MFSD8: variants seen among roughly 807,000 people sequenced by gnomAD.
The protein encoded by MFSD8 is major facilitator superfamily domain containing 8.
A neutral mutation model predicts 66.4 loss-of-function variants in MFSD8; 55 were observed. The observed-to-expected ratio is 0.83, with a 90% confidence interval of 0.67 to 1.04. The LOEUF is 1.04. Among genes scored for constraint, MFSD8 ranks in the 50% least tolerant of loss-of-function variants. The pLI is 0.00. For missense variants in MFSD8, 550 were observed against 627.6 expected, an observed-to-expected ratio of 0.88 and a Z score of 1.32; for synonymous variants, 202 against 212.8, an observed-to-expected ratio of 0.95 and a Z score of 0.44.
At chr4:127,961,128 CTTGT>C (rs1743667030) in intron 1 of MFSD8, among the ~76,000 whole-genome samples, 1 of 152,078 alleles carries the variant, frequency 6.6e-6, no homozygotes, top group South Asian at 2.1e-4. Flanking sequence ...AATAATCAAC[CTTGT>C]TAGTGAGGAA....
intron 9 of MFSD8, among the ~76,000 whole-genome samples, chr4:127,922,727 C>G (rs1195650187): frequency 6.6e-6 from 1 of 152,042 alleles, no homozygotes; most frequent in Non-Finnish European, 1.5e-5. Context: ...AGAAAATAAT[C>G]AAGCCTTTAT....
intron 9 of MFSD8, among the ~76,000 whole-genome samples, chr4:127,929,322 CAAAAAAAA>C (rs543453360): frequency 0.016 from 499 of 30,330 alleles, 1 homozygote; most frequent in African/African-American, 0.084. Context: ...GACTCCGTCA[CAAAAAAAA>C]AAAAAAAAAA....
intron 11 of MFSD8, chr4:127,921,242 A>T: frequency 1.7e-6 from 1 of 602,088 alleles, no homozygotes; most frequent in Non-Finnish European, 2.9e-6. Flanking sequence ...AGTTTAAGTA[A>T]CTTGTTCAAG....
intron 2 of MFSD8, among the ~76,000 whole-genome samples, chr4:127,952,052 T>C (rs1217964801): frequency 6.6e-6 from 1 of 151,934 alleles, no homozygotes; most frequent in Non-Finnish European, 1.5e-5. Context: ...TCAAGATTCA[T>C]CCATGGTGTA....
chr4:127,938,566 G>C (rs1315418455), intron 7 of MFSD8, among the ~76,000 whole-genome samples: 3 of 145,728 alleles, frequency 2.1e-5, no homozygotes, highest in East Asian at 4.1e-4. Context: ...CTGGGCGACA[G>C]AGCGAAACTC....
At chr4:127,925,910 TA>T (rs1737124537) in intron 9 of MFSD8, among the ~76,000 whole-genome samples, 1 of 151,978 alleles carries the variant, frequency 6.6e-6, no homozygotes, top group Admixed American at 6.6e-5. Flanking sequence ...TATGCAGCCA[TA>T]AAAAAGGATG....
chr4:127,957,551 C>T lies in MFSD8; in HGVS notation c.104G>A (p.Arg35Gln), dbSNP rs146596875. 2.5e-6 allele frequency: 4 copies of T among 1,611,904 alleles called. No individual in the cohort carries two copies. The highest frequency in any genetic ancestry group is 2.2e-5 in the South Asian group (2 of 90,916). ...ATATAAAATCCTAATAGATCTCCAT[C>T]GGCTCTTATAATGCTCTTCAGTCTC... Reference protein sequence around the residue: ...ILETEEHYKSRWRSIRILYLT... With the variant: ...ILETEEHYKSQWRSIRILYLT... Residue 35 changes from arginine (R) to glutamine (Q), a missense_variant, in exon 2 of 12, where the codon CGA (arginine) becomes CAA (glutamine). Arg to Gln is a conservative substitution (Grantham distance 43). Transcript: ENST00000641686.
chr4:127,937,791 T>C (rs1477152172), intron 7 of MFSD8, among the ~76,000 whole-genome samples: 14 of 152,234 alleles, frequency 9.2e-5, no homozygotes, highest in Admixed American at 9.2e-4. Context: ...CTCACCACTC[T>C]GCTCTACTAC....
At position 127,919,731 on chromosome 4, in the gene MFSD8, G is replaced by C. The variant is rs1022497990; in HGVS notation, c.*899C>G. 6.6e-6 allele frequency: 1 copy of C among 152,054 alleles called. No individual in the cohort carries two copies. Among genetic ancestry groups the C allele is most frequent in the African/African-American group, 2.4e-5 (1 of 41,410 alleles). The allele number at this position is 152,054 out of a possible 1,614,324, so 9.4% of individuals were successfully genotyped here. ...CCTCCCCGCCACTACTGAGAGATGG[G>C]AAAAATTAAAGTAAATTAATTAATG... On this transcript the variant is annotated 3_prime_UTR_variant, in exon 12 of 12. Transcript: ENST00000641686.
In MFSD8 at chr4:127,957,601, AAAG is replaced by A. The variant is rs2148973081; in HGVS notation, c.63-12_63-10del. 6.4e-7 allele frequency: 1 copy of A among 1,555,096 alleles called. No homozygotes were observed. Among genetic ancestry groups the A allele is most frequent in the South Asian group, 1.1e-5 (1 of 88,850 alleles). On this transcript the variant is annotated splice_polypyrimidine_tract_variant and intron_variant, in intron 1 of 11. Coordinates refer to ENST00000641686, the MANE Select transcript of MFSD8 (RefSeq NM_001371596.2). The stretch of plus-strand genomic sequence containing the variant: ...CTAAAATGTCCCATTCTCTAGGTGT[AAAG>A]AAGAAAAAAGTAGTATAAATTTATC...
chr4:127,932,944 A>G, intron 8 of MFSD8, 41 bp downstream of exon 8: 1 of 1,540,010 alleles, frequency 6.5e-7, no homozygotes, highest in Non-Finnish European at 9.0e-7. Context: ...AATAAAGGTT[A>G]AAACATAATC....
chr4:127,959,260 G>A (rs1445409709), intron 1 of MFSD8, among the ~76,000 whole-genome samples: 3 of 152,186 alleles, frequency 2.0e-5, no homozygotes, highest in Non-Finnish European at 4.4e-5. Context: ...ACCTGACCTA[G>A]ACTCTTCAAA....
At chr4:127,956,460 A>G (rs1306536750) in intron 2 of MFSD8, among the ~76,000 whole-genome samples, 1 of 151,206 alleles carries the variant, frequency 6.6e-6, no homozygotes, top group Non-Finnish European at 1.5e-5. Flanking sequence ...AGATCGCGCC[A>G]CTGCACTCCA....
chr4:127,952,459 G>A (rs1742155182), intron 2 of MFSD8, among the ~76,000 whole-genome samples: 2 of 151,998 alleles, frequency 1.3e-5, no homozygotes, highest in South Asian at 4.2e-4. Flanking sequence ...AAAGTATTTT[G>A]AATTGACATA....
Position 127,943,809 on chromosome 4 carries a change from C to G in MFSD8, c.382G>C (p.Ala128Pro), listed in dbSNP as rs557910536. Residue 128 changes from alanine to proline, a missense_variant, in exon 4 of 12, where the codon GCT (alanine) becomes CCT (proline). Transcript: ENST00000641686. The part of the protein sequence containing the change: ...NCLYAYLHIP[A>P]SHNKYYMLVA... ...AGCATGTAGTATTTATTATGAGAAG[C>G]TGGGATGTGGAGATATGCATAGAGG... The G allele has an allele frequency of 6.2e-7, 1 of 1,613,950 alleles. No individual in the cohort carries two copies. Among genetic ancestry groups the G allele is most frequent in the Non-Finnish European group, 8.5e-7 (1 of 1,180,020 alleles).
At chr4:127,931,727 T>C (rs997622738) in intron 8 of MFSD8, among the ~76,000 whole-genome samples, 2 of 152,188 alleles carry the variant, frequency 1.3e-5, no homozygotes, top group Admixed American at 1.3e-4. Flanking sequence ...TTTAGGATGA[T>C]GAAAACATTC....
chr4:127,932,965 G>A lies in MFSD8; in HGVS notation c.863+20C>T. 2.6e-6 allele frequency: 4 copies of A among 1,546,618 alleles called. No homozygotes were observed. The highest frequency in any genetic ancestry group is 3.6e-6 in the Non-Finnish European group (4 of 1,119,030). On this transcript the variant is annotated intron_variant, in intron 8 of 11. Transcript: ENST00000641686. ...GGTTAAAACATAATCTGATTCAGAT[G>A]AAGATGGAATAAAACTTACGTTTCA...
chr4:127,952,145 C>A (rs1388173764), intron 2 of MFSD8, among the ~76,000 whole-genome samples: 3 of 151,942 alleles, frequency 2.0e-5, no homozygotes, highest in Admixed American at 6.6e-5. Flanking sequence ...GTGGCTCATG[C>A]CTGTAATCCC....
chr4:127,952,361 G>A (rs113054084), intron 2 of MFSD8, among the ~76,000 whole-genome samples: 27 of 151,960 alleles, frequency 1.8e-4, no homozygotes, highest in Middle Eastern at 3.4e-3. Context: ...CAGAGATTGC[G>A]CTACTGCACT....
Sources: gnomAD v4.1 joint callset for allele counts (sites outside exome capture counted in the v4.1 genomes callset) on GRCh38, gnomAD v4.1.1 for gene constraint, MANE v1.5 for transcripts, NCBI Gene and HGNC (gene_info 2026-07-23, HGNC 2026-07-21) for gene names.